Variants in IGFL2 observed in about 807,000 individuals in gnomAD.
IGFL2 encodes the protein insulin growth factor-like family member 2.
Under a neutral mutation model 13.9 loss-of-function variants are expected in IGFL2, and 7 were observed. The ratio of observed to expected loss-of-function variants is 0.51; its 90% confidence interval spans 0.29 to 0.95. The LOEUF (loss-of-function observed/expected upper bound fraction) is 0.95. IGFL2 is among the 40% of genes least tolerant of loss of function. The probability of loss-of-function intolerance (pLI) is 0.08; values close to 1 mark genes in which losing one functional copy is unlikely to be tolerated. For synonymous variants in IGFL2, 55 were observed against 55.8 expected (o/e 0.99, Z 0.07); for missense variants, 138 against 147.8 (o/e 0.93, Z 0.34).
At chr19:46,144,736 G>T (rs541553165), upstream of IGFL2, among the ~76,000 whole-genome samples, 5 of 152,094 alleles carry the variant, frequency 3.3e-5, no homozygotes, top group East Asian at 9.6e-4. Context: ...TTAAACACAG[G>T]TATAGATTCA....
At chr19:46,154,097 C>T (rs1973672645) in intron 1 of IGFL2, among the ~76,000 whole-genome samples, 1 of 152,128 alleles carries the variant, frequency 6.6e-6, no homozygotes, top group African/African-American at 2.4e-5. Context: ...GTTTGGTTTT[C>T]TGTTCCTGTG....
chr19:46,185,735 G>T, the IGFL2 span, among the ~76,000 whole-genome samples: 2 of 152,154 alleles, frequency 1.3e-5, no homozygotes, highest in East Asian at 3.8e-4. Flanking sequence ...TATTATTATT[G>T]TTGTTATTAT....
the IGFL2 span, among the ~76,000 whole-genome samples, chr19:46,183,985 T>C: frequency 1.3e-5 from 2 of 152,222 alleles, no homozygotes; most frequent in Admixed American, 6.5e-5. Flanking sequence ...GCCCCCAAAA[T>C]TGGTTATTTC....
Position 46,160,623 on chromosome 19 carries a change from G to A in IGFL2, c.83G>A (p.Gly28Asp), listed in dbSNP as rs376977448. 74 of 1,614,060 alleles carry A rather than the reference G, an allele frequency of 4.6e-5. No individual in the cohort carries two copies. In the African/African-American group the frequency reaches 9.1e-4, roughly 20 times the overall value. The change falls in exon 3 of 4, where the codon GGC (glycine) becomes GAC (aspartate). Residue 28 changes from glycine to aspartate, a missense_variant. Coordinates refer to ENST00000377693, the MANE Select transcript of IGFL2 (RefSeq NM_001135113.2). Reference sequence around the variant, plus strand: ...CTGTCCATCTGTCCAGCTCCCGCTGGCTCAGAACCATGGCTGTGCCAGCCG... The same window carrying A: ...CTGTCCATCTGTCCAGCTCCCGCTGACTCAGAACCATGGCTGTGCCAGCCG... The part of the protein sequence containing the change: ...LCPREVIAPA[G>D]SEPWLCQPAP...
At chr19:46,086,738 G>T in the IGFL2 span, among the ~76,000 whole-genome samples, 1 of 152,230 alleles carries the variant, frequency 6.6e-6, no homozygotes, top group South Asian at 2.1e-4. Flanking sequence ...CACATCTGGT[G>T]TAAGAGTGGC....
At chr19:46,092,262 C>T in the IGFL2 span, among the ~76,000 whole-genome samples, 2 of 152,038 alleles carry the variant, frequency 1.3e-5, no homozygotes, top group East Asian at 1.9e-4. Context: ...TGGGCTCAAG[C>T]GATTCTTCTG....
the IGFL2 span, among the ~76,000 whole-genome samples, chr19:46,178,030 G>A: frequency 2.0e-5 from 3 of 152,152 alleles, no homozygotes; most frequent in Non-Finnish European, 4.4e-5. Flanking sequence ...TGTAATCCCA[G>A]CACTTTGAGA....
chr19:46,204,048 C>T, the IGFL2 span: 1 of 152,152 alleles, frequency 6.6e-6, no homozygotes, highest in African/African-American at 2.4e-5. Context: ...TGAAATTTCA[C>T]CAGATTCCTG....
the IGFL2 span, among the ~76,000 whole-genome samples, chr19:46,125,298 C>T: frequency 4.4e-4 from 67 of 152,136 alleles, no homozygotes; most frequent in African/African-American, 1.6e-3. Flanking sequence ...TCAGAGACCT[C>T]CAGCATCTTA....
chr19:46,140,449 G>T (rs369772277), upstream of IGFL2, among the ~76,000 whole-genome samples: 1 of 152,114 alleles, frequency 6.6e-6, no homozygotes, highest in African/African-American at 2.4e-5. Flanking sequence ...AGGCTAAGGT[G>T]GGAGGATCAC....
the IGFL2 span, among the ~76,000 whole-genome samples, chr19:46,173,357 C>G: frequency 6.6e-6 from 1 of 152,154 alleles, no homozygotes; most frequent in Non-Finnish European, 1.5e-5. Context: ...CACGTTCTGA[C>G]CCATTATAAA....
At chr19:46,102,447 G>C in the IGFL2 span, among the ~76,000 whole-genome samples, 1,029 of 152,310 alleles carry the variant, frequency 6.8e-3, 14 homozygotes, top group African/African-American at 0.024. Flanking sequence ...CTTCTTAAGT[G>C]TGGGGGAGAA....
At chr19:46,114,496 G>T in the IGFL2 span, among the ~76,000 whole-genome samples, 2 of 152,090 alleles carry the variant, frequency 1.3e-5, no homozygotes, top group Non-Finnish European at 2.9e-5. Context: ...AAAGTCATGG[G>T]TGCTGATATG....
At chr19:46,183,554 T>A in the IGFL2 span, among the ~76,000 whole-genome samples, 571 of 150,686 alleles carry the variant, frequency 3.8e-3, 2 homozygotes, top group African/African-American at 0.012. Context: ...TTTTTTTTTT[T>A]AGATGGAGTC....
the IGFL2 span, among the ~76,000 whole-genome samples, chr19:46,134,118 G>A: frequency 0.011 from 1,727 of 152,290 alleles, 17 homozygotes; most frequent in South Asian, 0.025. Context: ...TTGAGGAAGA[G>A]ACCACCTGGT....
At chr19:46,084,360 T>G in the IGFL2 span, among the ~76,000 whole-genome samples, 1 of 152,218 alleles carries the variant, frequency 6.6e-6, no homozygotes, top group Non-Finnish European at 1.5e-5. Flanking sequence ...TTGTTTTGTC[T>G]GGTTGATCTG....
the IGFL2 span, among the ~76,000 whole-genome samples, chr19:46,100,377 C>G: frequency 6.6e-6 from 1 of 152,092 alleles, no homozygotes; most frequent in Non-Finnish European, 1.5e-5. Context: ...AGGTCTATGC[C>G]TTTCTCTGAA....
the IGFL2 span, chr19:46,124,661 T>C: frequency 6.2e-7 from 1 of 1,607,606 alleles, no homozygotes; most frequent in Non-Finnish European, 8.5e-7. Context: ...CTTCCAAAGA[T>C]GCTCTAGGAG....
the IGFL2 span, among the ~76,000 whole-genome samples, chr19:46,105,557 T>C: frequency 6.6e-6 from 1 of 152,078 alleles, no homozygotes; most frequent in Admixed American, 6.5e-5. Flanking sequence ...AGGAATAATG[T>C]GGGAGGCTGG....
Sources: allele counts gnomAD v4.1 joint callset (sites outside exome capture counted in the v4.1 genomes callset), GRCh38; gene constraint gnomAD v4.1.1; transcripts MANE v1.5; gene names NCBI Gene and HGNC (gene_info 2026-07-23, HGNC 2026-07-21).